ITPR1: variants seen among roughly 807,000 people sequenced by gnomAD.
ITPR1 encodes inositol 1,4,5-trisphosphate receptor type 1.
In ITPR1, 96 loss-of-function variants were observed where a neutral mutation model predicts 318.4. That is an observed-to-expected ratio of 0.30 (90% CI 0.26 to 0.36). The LOEUF is 0.36. Ranked by LOEUF, ITPR1 falls within the 10% of genes least tolerant of loss-of-function variation. ITPR1 has a pLI of 1.00. For synonymous variants in ITPR1, 1,312 were observed against 1,289.9 expected (o/e 1.02, Z -0.37); for missense variants, 2,440 against 3,460.2 (o/e 0.71, Z 7.40).
intron 60 of ITPR1, among the ~76,000 whole-genome samples, chr3:4,819,822 C>T (rs1411666975): frequency 6.6e-6 from 1 of 152,132 alleles, no homozygotes; most frequent in Non-Finnish European, 1.5e-5. Flanking sequence ...AAAAAAAAAT[C>T]AGCACAGACT....
intron 4 of ITPR1, among the ~76,000 whole-genome samples, chr3:4,589,809 G>A (rs2090233441): frequency 6.6e-6 from 1 of 152,052 alleles, no homozygotes; most frequent in South Asian, 2.1e-4. Flanking sequence ...TCATGCCTGG[G>A]ATACATCACA....
At chr3:4,795,994 G>A (rs770932605) in intron 53 of ITPR1, among the ~76,000 whole-genome samples, 5 of 152,054 alleles carry the variant, frequency 3.3e-5, no homozygotes, top group Non-Finnish European at 7.4e-5. Flanking sequence ...CCTCACATAC[G>A]CATAGAACAA....
At chr3:4,765,326 A>G (rs1467724063) in intron 44 of ITPR1, among the ~76,000 whole-genome samples, 1 of 152,160 alleles carries the variant, frequency 6.6e-6, no homozygotes, top group Non-Finnish European at 1.5e-5. Context: ...AGGAAGAGAA[A>G]GGGCATGACC....
chr3:4,728,736 C>A (rs1559785174), intron 42 of ITPR1, among the ~76,000 whole-genome samples: 1 of 152,168 alleles, frequency 6.6e-6, no homozygotes, highest in African/African-American at 2.4e-5. Flanking sequence ...CCCCACCTGT[C>A]CCCTGTCTTG....
intron 4 of ITPR1, among the ~76,000 whole-genome samples, chr3:4,607,041 A>G (rs953902134): frequency 6.6e-6 from 1 of 152,142 alleles, no homozygotes; most frequent in Non-Finnish European, 1.5e-5. Context: ...TATTCTTTCT[A>G]CCACACCAAA....
chr3:4,750,011 C>T (rs1325223337), intron 44 of ITPR1: 1 of 152,694 alleles, frequency 6.5e-6, no homozygotes, highest in East Asian at 1.9e-4. Flanking sequence ...ACCATCGTGC[C>T]TGTTAAGGAA....
At chr3:4,554,997 G>C (rs2125006264) in intron 4 of ITPR1, among the ~76,000 whole-genome samples, 1 of 152,274 alleles carries the variant, frequency 6.6e-6, no homozygotes, top group South Asian at 2.1e-4. Flanking sequence ...GTTACTGAGA[G>C]CATGATCTGG....
intron 49 of ITPR1, 124 bp from the exon 50 acceptor site, chr3:4,782,495 A>T: frequency 2.1e-6 from 2 of 964,048 alleles, no homozygotes; most frequent in South Asian, 2.1e-5. Flanking sequence ...TCCAAGCCCG[A>T]TAGGAGAGAG....
chr3:4,652,021 C>T (rs1160750257), intron 10 of ITPR1, 102 bp from the exon 11 acceptor site: 9 of 897,514 alleles, frequency 1.0e-5, no homozygotes, highest in Non-Finnish European at 1.6e-5. Flanking sequence ...CTTTTTCTAG[C>T]TTATAAACAT....
chr3:4,830,024 A>C (rs1317608800), intron 60 of ITPR1, among the ~76,000 whole-genome samples: 1 of 117,472 alleles, frequency 8.5e-6, no homozygotes, highest in Non-Finnish European at 1.6e-5. Context: ...CCCAGGCTGG[A>C]GTGCATTGGC....
chr3:4,625,958 C>G (rs753564723), intron 4 of ITPR1, among the ~76,000 whole-genome samples: 16 of 152,146 alleles, frequency 1.1e-4, no homozygotes, highest in Admixed American at 2.6e-4. Context: ...TATTGGTTTC[C>G]TAGAGTAGTT....
chr3:4,706,892 A>G (rs934234600), intron 37 of ITPR1, among the ~76,000 whole-genome samples: 1 of 152,226 alleles, frequency 6.6e-6, no homozygotes, highest in East Asian at 1.9e-4. Flanking sequence ...GCACTTAAAC[A>G]TGCATCTTAA....
At chr3:4,655,590 T>G (rs2093688261) in intron 12 of ITPR1, among the ~76,000 whole-genome samples, 1 of 152,136 alleles carries the variant, frequency 6.6e-6, no homozygotes, top group South Asian at 2.1e-4. Context: ...CAGCAGTGTA[T>G]AAAAGGAGTT....
In ITPR1 at chr3:4,652,178, G is replaced by A. The variant is rs773337674; in HGVS notation, c.911G>A (p.Arg304His). The A allele has an allele frequency of 1.4e-5, 23 of 1,612,822 alleles. No homozygotes were observed. The highest frequency in any genetic ancestry group is 5.0e-5 in the Admixed American group (3 of 59,896). ...GGAGYWNSLF[R>H]FKHLATGHYL... ...GCAGGGTATTGGAACAGCCTTTTCC[G>A]TTTCAAGCATCTGGCCACGGGGCAT... Residue 304 changes from arginine (R) to histidine (H), a missense_variant, in exon 11 of 62, where the codon CGT (arginine) becomes CAT (histidine). Transcript: ENST00000649015.
intron 4 of ITPR1, among the ~76,000 whole-genome samples, 164 bp from the exon 5 acceptor site, chr3:4,627,599 T>A (rs1187542538): frequency 6.6e-6 from 1 of 152,216 alleles, no homozygotes; most frequent in Non-Finnish European, 1.5e-5. Context: ...GTGGTGGCAA[T>A]TAAATTCAAA....
chr3:4,691,354 A>G lies in ITPR1; in HGVS notation c.4029+10A>G. The G allele has an allele frequency of 6.3e-7, 1 of 1,585,464 alleles. No homozygotes were observed. The highest frequency in any genetic ancestry group is 8.7e-7 in the Non-Finnish European group (1 of 1,155,524). ...CATGGTTATGGCCGAGGTGATTGTT[A>G]TATATTTCTGTATACCTCCATCTGG... On this transcript the variant is annotated intron_variant, in intron 32 of 61. Transcript: ENST00000649015.
intron 24 of ITPR1, among the ~76,000 whole-genome samples, 185 bp downstream of exon 24, chr3:4,676,986 C>G (rs538633655): frequency 1.1e-3 from 165 of 152,314 alleles, no homozygotes; most frequent in Non-Finnish European, 1.4e-3. Context: ...CTCCTACCCT[C>G]CCAACATGGC....
intron 42 of ITPR1, among the ~76,000 whole-genome samples, chr3:4,728,978 C>G (rs993725947): frequency 6.6e-6 from 1 of 152,224 alleles, no homozygotes; most frequent in African/African-American, 2.4e-5. Flanking sequence ...CTTCCTGTAT[C>G]TCCTGCACTT....
At chr3:4,814,341 C>A in intron 57 of ITPR1, 82 bp from the exon 58 acceptor site, 2 of 1,370,960 alleles carry the variant, frequency 1.5e-6, no homozygotes, top group Non-Finnish European at 2.1e-6. Context: ...GGTGAGATGG[C>A]ATTCAGGAAA....
Sources: gnomAD v4.1 joint callset for allele counts (sites outside exome capture counted in the v4.1 genomes callset) on GRCh38, gnomAD v4.1.1 for gene constraint, MANE v1.5 for transcripts, NCBI Gene and HGNC (gene_info 2026-07-23, HGNC 2026-07-21) for gene names.